CLDN18: variants seen among roughly 807,000 people sequenced by gnomAD.
CLDN18 encodes claudin-18.
A neutral mutation model predicts 25.0 loss-of-function variants in CLDN18; 20 were observed. The ratio of observed to expected loss-of-function variants is 0.80; its 90% CI spans 0.56 to 1.16. The LOEUF is 1.16. CLDN18 is among the 50% of genes most tolerant of loss of function. The probability of loss-of-function intolerance (pLI) is 0.00; values close to 1 mark genes in which losing one functional copy is unlikely to be tolerated. For synonymous variants in CLDN18, 125 were observed against 135.6 expected (o/e 0.92, Z 0.54); for missense variants, 297 against 345.4 (o/e 0.86, Z 1.11).
At chr3:138,000,073 T>C (rs888623022) in intron 1 of CLDN18, among the ~76,000 whole-genome samples, 14 of 152,158 alleles carry the variant, frequency 9.2e-5, no homozygotes, top group Non-Finnish European at 1.9e-4. Context: ...GGTCAAGACT[T>C]AGACACACAA....
At chr3:138,019,222 A>G (rs1219226517) in intron 1 of CLDN18, among the ~76,000 whole-genome samples, 1 of 152,206 alleles carries the variant, frequency 6.6e-6, no homozygotes, top group Non-Finnish European at 1.5e-5. Flanking sequence ...GACTTACCTA[A>G]TAACACTCAC....
At chr3:138,011,334 C>T in intron 1 of CLDN18, among the ~76,000 whole-genome samples, 1 of 152,076 alleles carries the variant, frequency 6.6e-6, no homozygotes, top group East Asian at 1.9e-4. Context: ...AATAAATTTG[C>T]AAGAAATTGT....
chr3:138,015,223 A>G (rs749031027), intron 1 of CLDN18, among the ~76,000 whole-genome samples: 4 of 152,222 alleles, frequency 2.6e-5, no homozygotes, highest in Non-Finnish European at 4.4e-5. Flanking sequence ...AAAGAAACTC[A>G]AAAGCTAAAG....
rs1182677412 is a variant in CLDN18 at position 138,013,106 on chromosome 3, G to A, written c.220+2661G>A. ...TAAACTAAGTTGAATTAAATAGTAC[G>A]AATAGTTCATTTTAAGTGTTTATGC... On this transcript the variant is annotated intron_variant, in intron 1 of 4. Transcript: ENST00000183605. Among the ~76,000 whole-genome samples, 10 of 152,288 alleles carry A rather than the reference G, an allele frequency of 6.6e-5. 1 individual carries two copies. In the South Asian group the frequency reaches 2.1e-3, roughly 32 times the overall value.
chr3:138,023,059 T>C (rs1942288061), intron 1 of CLDN18, among the ~76,000 whole-genome samples: 1 of 152,246 alleles, frequency 6.6e-6, no homozygotes, highest in Non-Finnish European at 1.5e-5. Flanking sequence ...TTGTTTTATA[T>C]ACATCTGAAA....
intron 3 of CLDN18, among the ~76,000 whole-genome samples, chr3:138,025,784 T>A (rs1012479761): frequency 1.2e-4 from 18 of 152,146 alleles, no homozygotes; most frequent in African/African-American, 4.3e-4. Flanking sequence ...AACCCCTCTA[T>A]CATGGGCAAA....
At chr3:138,015,261 C>T (rs149669963) in intron 1 of CLDN18, among the ~76,000 whole-genome samples, 1 of 152,084 alleles carries the variant, frequency 6.6e-6, no homozygotes, top group Non-Finnish European at 1.5e-5. Context: ...TAAAACAGCC[C>T]GAGATGACAC....
upstream of CLDN18, among the ~76,000 whole-genome samples, chr3:138,006,795 C>G (rs567475261): frequency 1.3e-5 from 2 of 151,734 alleles, no homozygotes; most frequent in East Asian, 3.9e-4. Flanking sequence ...TTTCACTCCT[C>G]TCATTCAGTA....
chr3:138,006,913 T>C (rs1298089549), upstream of CLDN18, among the ~76,000 whole-genome samples: 2 of 152,226 alleles, frequency 1.3e-5, no homozygotes, highest in Non-Finnish European at 2.9e-5. Flanking sequence ...ATTTAATTCC[T>C]TATTATCTGA....
intron 1 of CLDN18, among the ~76,000 whole-genome samples, chr3:138,011,048 G>T (rs772905156): frequency 1.3e-5 from 2 of 151,880 alleles, no homozygotes; most frequent in African/African-American, 4.8e-5. Flanking sequence ...TATTATGTCA[G>T]AATATAAATA....
At chr3:138,030,278 C>T (rs1033276540) in intron 4 of CLDN18, among the ~76,000 whole-genome samples, 1 of 152,188 alleles carries the variant, frequency 6.6e-6, no homozygotes, top group African/African-American at 2.4e-5. Flanking sequence ...TGGCCTCTGG[C>T]GGGTAGAGGC....
rs558942553 is a variant in CLDN18 at position 138,010,282 on chromosome 3, C to T, written c.57C>T (p.Ala19=). ...TCCTCCTGTCCATCCTGGGGCTGGCCGGCTGCATCGCGGCCACCGGGATGG... is the reference window on the plus strand; with the variant it reads ...TCCTCCTGTCCATCCTGGGGCTGGCTGGCTGCATCGCGGCCACCGGGATGG... The part of the protein sequence containing the change: ...VAFLLSILGL[A]GCIAATGMDM... The change falls in exon 1 of 5, where the codon GCC becomes GCT. Residue 19 remains alanine (A), a synonymous_variant. Coordinates refer to ENST00000183605, the MANE Select transcript of CLDN18 (RefSeq NM_016369.4). 3.7e-6 allele frequency: 6 copies of T among 1,614,106 alleles called. No individual in the cohort carries two copies. The South Asian group carries it at 6.6e-5, about 18-fold the overall frequency.
intron 1 of CLDN18, among the ~76,000 whole-genome samples, chr3:137,999,523 C>T (rs1344825500): frequency 6.6e-6 from 1 of 152,114 alleles, no homozygotes. Flanking sequence ...ACTCAGCTTC[C>T]AGGGACACCT....
intron 1 of CLDN18, among the ~76,000 whole-genome samples, chr3:138,012,047 T>C (rs921502538): frequency 2.0e-5 from 3 of 152,196 alleles, no homozygotes; most frequent in Admixed American, 2.0e-4. Flanking sequence ...CTGTCTGGGA[T>C]CATGCCCTGT....
intron 1 of CLDN18, among the ~76,000 whole-genome samples, chr3:138,014,299 G>T (rs9856409): frequency 0.38 from 57,016 of 152,028 alleles, 11,856 homozygotes; most frequent in Middle Eastern, 0.59. Flanking sequence ...TCAAATCCCA[G>T]CTGGAGGACA....
upstream of CLDN18, among the ~76,000 whole-genome samples, chr3:138,009,264 G>A (rs999945643): frequency 6.6e-6 from 1 of 152,192 alleles, no homozygotes; most frequent in African/African-American, 2.4e-5. Context: ...GCAGCATCAG[G>A]AGCAGATCCT....
chr3:138,002,782 TA>T (rs1942031906), intron 1 of CLDN18, among the ~76,000 whole-genome samples: 1 of 152,198 alleles, frequency 6.6e-6, no homozygotes, highest in South Asian at 2.1e-4. Flanking sequence ...GTCATTTCAC[TA>T]GGCCCATAAC....
chr3:138,013,056 G>C (rs1304297354), intron 1 of CLDN18, among the ~76,000 whole-genome samples: 1 of 152,206 alleles, frequency 6.6e-6, no homozygotes, highest in Non-Finnish European at 1.5e-5. Context: ...GCGCCTGGTA[G>C]AGTGAGTATT....
intron 1 of CLDN18, among the ~76,000 whole-genome samples, chr3:138,000,535 G>A (rs532181255): frequency 6.6e-6 from 1 of 151,508 alleles, no homozygotes; most frequent in Admixed American, 6.6e-5. Flanking sequence ...TGGTTGTTTG[G>A]TTGGTTGGTT....
Sources: allele counts gnomAD v4.1 joint callset (sites outside exome capture counted in the v4.1 genomes callset), GRCh38; gene constraint gnomAD v4.1.1; transcripts MANE v1.5; gene names NCBI Gene and HGNC (gene_info 2026-07-23, HGNC 2026-07-21).